The following SEPTIN12 variants were observed in gnomAD, a reference collection of about 807,000 sequenced individuals.
The protein encoded by SEPTIN12 is septin-12.
In SEPTIN12, 42 loss-of-function variants were observed where a neutral mutation model predicts 37.7. The observed-to-expected ratio is 1.11, with a 90% CI of 0.87 to 1.44. The LOEUF is 1.44. SEPTIN12 is among the 40% of genes most tolerant of loss of function. SEPTIN12 has a pLI of 0.00. For synonymous variants in SEPTIN12, 254 were observed against 196.7 expected, an observed-to-expected ratio of 1.29 and a Z score of -2.44; for missense variants, 613 against 479.2, an observed-to-expected ratio of 1.28 and a Z score of -2.61.
chr16:4,781,166 G>A (rs2082367635), intron 7 of SEPTIN12, among the ~76,000 whole-genome samples: 1 of 151,824 alleles, frequency 6.6e-6, no homozygotes, highest in African/African-American at 2.4e-5. Context: ...GGCTGAGGCA[G>A]GAGAATCGCT....
chr16:4,789,510 T>C (rs1232242468), upstream of SEPTIN12, among the ~76,000 whole-genome samples: 1 of 151,972 alleles, frequency 6.6e-6, no homozygotes, highest in African/African-American at 2.4e-5. Context: ...CTATTTTTAG[T>C]AGAGACTGGT....
chr16:4,780,981 C>A (rs1055826375), intron 7 of SEPTIN12, among the ~76,000 whole-genome samples: 1 of 151,762 alleles, frequency 6.6e-6, no homozygotes, highest in African/African-American at 2.4e-5. Flanking sequence ...CCTGTCTCTG[C>A]TGGGCACGGT....
chr16:4,783,680 G>C lies in SEPTIN12; in HGVS notation c.599C>G (p.Thr200Ser). 6.2e-7 allele frequency: 1 copy of C among 1,614,066 alleles called. No individual in the cohort carries two copies. Among genetic ancestry groups the C allele is most frequent in the Non-Finnish European group, 8.5e-7 (1 of 1,180,020 alleles). ...CCTGAAGGCCTCTCGCTCCTCCATG[G>C]TCAGGCTGTCGGCCCTGGCAATCAC... ...VPVIARADSL[T>S]MEEREAFRRR... The change falls in exon 6 of 10, where the codon ACC becomes AGC. Residue 200 changes from threonine (T) to serine (S), a missense_variant. Thr to Ser is a moderately conservative substitution (Grantham distance 58). Coordinates refer to ENST00000268231, the MANE Select transcript of SEPTIN12 (RefSeq NM_144605.5).
chr16:4,779,856 AC>A, intron 7 of SEPTIN12, 70 bp from the exon 8 acceptor site: 1 of 1,041,722 alleles, frequency 9.6e-7, no homozygotes, highest in Non-Finnish European at 1.5e-6. Context: ...AAGTCAAGGC[AC>A]CCAGGCAGGA....
At position 4,787,538 on chromosome 16, in the gene SEPTIN12, C is replaced by T. The variant is rs767324699; in HGVS notation, c.108G>A (p.Leu36=). Residue 36 remains leucine (L), a synonymous_variant, in exon 2 of 10, where the codon CTG becomes CTA. Transcript: ENST00000268231. The stretch of plus-strand genomic sequence containing the variant: ...TCATAGCCTTGATCTTCAGCTGGTC[C>T]AGCACAGCCTCAATGCCCACAGGAC... ...MLGPVGIEAV[L]DQLKIKAMKM... 1.9e-6 allele frequency: 3 copies of T among 1,612,808 alleles called. No homozygotes were observed. The highest frequency in any genetic ancestry group is 2.2e-5 in the East Asian group (1 of 44,876).
At chr16:4,785,408 G>A (rs912410780) in intron 4 of SEPTIN12, among the ~76,000 whole-genome samples, 5 of 151,454 alleles carry the variant, frequency 3.3e-5, no homozygotes, top group African/African-American at 1.2e-4. Flanking sequence ...GGTCTGGGGT[G>A]TTTCCCAAAG....
In SEPTIN12 at chr16:4,783,783, A is replaced by C. The variant is rs778455597; in HGVS notation, c.513-17T>G. 5 of 1,602,018 alleles carry C rather than the reference A, an allele frequency of 3.1e-6. No individual in the cohort carries two copies. The East Asian group carries it at 1.1e-4, about 36-fold the overall frequency. On this transcript the variant is annotated splice_polypyrimidine_tract_variant and intron_variant, in intron 5 of 9. Transcript: ENST00000268231. ...GGCCGCAGGCTGCCGGAGGCAGGGC[A>C]GTGATGGGGGTGGCGGTGGTGGTGA...
chr16:4,783,358 T>C (rs2141872273), intron 7 of SEPTIN12, 104 bp downstream of exon 7: 1 of 890,416 alleles, frequency 1.1e-6, no homozygotes, highest in Non-Finnish European at 1.9e-6. Context: ...CTGCTAGGAA[T>C]ATGTGCACAT....
intron 7 of SEPTIN12, among the ~76,000 whole-genome samples, chr16:4,782,055 A>G (rs1306860495): frequency 2.0e-5 from 3 of 147,906 alleles, no homozygotes; most frequent in South Asian, 2.2e-4. Flanking sequence ...GGTTCAAGCA[A>G]TTCTCCTGCC....
At chr16:4,786,372 T>C (rs902512336) in intron 2 of SEPTIN12, among the ~76,000 whole-genome samples, 3 of 141,896 alleles carry the variant, frequency 2.1e-5, no homozygotes, top group Non-Finnish European at 4.6e-5. Flanking sequence ...TTTTTTTTTT[T>C]GAGACGCAGT....
chr16:4,780,507 G>A (rs572744186), intron 7 of SEPTIN12, among the ~76,000 whole-genome samples: 2 of 152,208 alleles, frequency 1.3e-5, no homozygotes, highest in South Asian at 2.1e-4. Context: ...GAGACCCTAC[G>A]GCCCAGAAAG....
intron 3 of SEPTIN12, 40 bp downstream of exon 3, chr16:4,785,940 G>A (rs977205136): frequency 4.3e-6 from 7 of 1,610,068 alleles, no homozygotes; most frequent in Admixed American, 1.7e-5. Flanking sequence ...GGGATGGGGT[G>A]GGGCAGGGTG....
rs773924327 is a variant in SEPTIN12 at position 4,784,037 on chromosome 16, G to A, written c.406C>T (p.Gln136Ter). The A allele has an allele frequency of 3.1e-6, 5 of 1,614,054 alleles. No homozygotes were observed. The highest frequency in any genetic ancestry group is 4.2e-6 in the Non-Finnish European group (5 of 1,180,024). ...TCCTCCTGCAGGTACTGCTCGTATT[G>A]CTCGTTGATGTAGCCCAGGATGGGG... is the stretch of plus-strand genomic sequence containing the variant. ...WDPILGYINEQYEQYLQEEIL... is the reference protein window; with the variant it reads ...WDPILGYINE The change falls in exon 5 of 10, where the codon CAA becomes TAA. Residue 136 changes from glutamine to a stop codon, truncating the protein, a stop_gained. Transcript: ENST00000268231. LOFTEE classifies it high-confidence loss of function.
chr16:4,787,324 T>G, intron 2 of SEPTIN12, 156 bp downstream of exon 2: 1 of 732,182 alleles, frequency 1.4e-6, no homozygotes, highest in East Asian at 2.5e-5. Context: ...GACTCAGCAT[T>G]TCTCAAATTT....
intron 7 of SEPTIN12, among the ~76,000 whole-genome samples, chr16:4,781,943 C>CTTTTGTT (rs2082376388): frequency 2.1e-5 from 1 of 47,450 alleles, no homozygotes; most frequent in Non-Finnish European, 3.6e-5. Flanking sequence ...CGTGCCCGGC[C>CTTTTGTT]TTTTTTTTTT....
chr16:4,790,397 C>G (rs539945996), upstream of SEPTIN12, among the ~76,000 whole-genome samples: 1 of 152,216 alleles, frequency 6.6e-6, no homozygotes, highest in Non-Finnish European at 1.5e-5. Flanking sequence ...TTCCTGAGCC[C>G]CAGGCCGACT....
chr16:4,782,193 G>A (rs964836625), intron 7 of SEPTIN12, among the ~76,000 whole-genome samples: 4 of 151,876 alleles, frequency 2.6e-5, no homozygotes, highest in Non-Finnish European at 4.4e-5. Flanking sequence ...CAAGTGATCT[G>A]CCCACCTCAG....
At position 4,777,825 on chromosome 16, in the gene SEPTIN12, G is replaced by A. The variant is rs748132321; in HGVS notation, c.1049C>T (p.Ala350Val). 13 of 1,579,266 alleles carry A rather than the reference G, an allele frequency of 8.2e-6. 1 individual carries two copies. In the African/African-American group the frequency reaches 1.2e-4, roughly 15 times the overall value. The part of the protein sequence containing the change: ...TPRTFKVCRG[A>V]HDDSDDEF Reference sequence around the variant, plus strand: ...GAACTCATCATCAGAATCGTCATGGGCCCCCCTGCAGACCTTGAAGGTCCG... The same window carrying A: ...GAACTCATCATCAGAATCGTCATGGACCCCCCTGCAGACCTTGAAGGTCCG... The change falls in exon 10 of 10, where the codon GCC becomes GTC. Residue 350 changes from alanine (A) to valine (V), a missense_variant. Physicochemically the swap from Ala to Val is moderately conservative, Grantham distance 64 (BLOSUM62 0). Coordinates refer to ENST00000268231, the MANE Select transcript of SEPTIN12 (RefSeq NM_144605.5).
chr16:4,778,348 G>A lies in SEPTIN12; in HGVS notation c.824-211C>T, dbSNP rs538292790. On this transcript the variant is annotated intron_variant, in intron 8 of 9. Transcript: ENST00000268231. Reference sequence around the variant, plus strand: ...CGGCTCCTACAAATAGCTGTAGAATGAATGAATCCACCAATCATTATTGTA... The same window carrying A: ...CGGCTCCTACAAATAGCTGTAGAATAAATGAATCCACCAATCATTATTGTA... Among the ~76,000 whole-genome samples the A allele has an allele frequency of 9.8e-5, 15 of 152,330 alleles. No homozygotes were observed. The South Asian group carries it at 3.1e-3, about 32-fold the overall frequency.
Sources: allele counts gnomAD v4.1 joint callset (sites outside exome capture counted in the v4.1 genomes callset), GRCh38; gene constraint gnomAD v4.1.1; transcripts MANE v1.5; gene names NCBI Gene and HGNC (gene_info 2026-07-23, HGNC 2026-07-21).